Variants in MS4A4A observed in about 807,000 individuals in gnomAD.
MS4A4A encodes membrane-spanning 4-domains subfamily A member 4A.
Under a neutral mutation model 28.0 loss-of-function variants are expected in MS4A4A, and 26 were observed. That is an observed-to-expected ratio of 0.93 (90% CI 0.68 to 1.29). The LOEUF (loss-of-function observed/expected upper bound fraction) is 1.29. Among genes scored for constraint, MS4A4A ranks in the 50% most tolerant of loss-of-function variants. MS4A4A has a pLI of 0.00. For synonymous variants in MS4A4A, 86 were observed against 100.8 expected (o/e 0.85, Z 0.88); for missense variants, 290 against 293.1 (o/e 0.99, Z 0.08).
chr11:60,292,233 C>A lies in MS4A4A; in HGVS notation c.50C>A (p.Ser17Tyr). The change falls in exon 2 of 7, where the codon TCT (serine) becomes TAT (tyrosine). Residue 17 changes from serine to tyrosine, a missense_variant. Coordinates refer to ENST00000337908, the MANE Select transcript of MS4A4A (RefSeq NM_148975.3). Reference sequence around the variant, plus strand: ...TACATTTCTTATTGTAGCACCTTTTCTGCTGCCATGACAACCATGCAAGGA... The same window carrying A: ...TACATTTCTTATTGTAGCACCTTTTATGCTGCCATGACAACCATGCAAGGA... ...RHCRPEESTF[S>Y]AAMTTMQGME... 1.9e-6 allele frequency: 3 copies of A among 1,549,594 alleles called. No homozygotes were observed. Among genetic ancestry groups the A allele is most frequent in the Non-Finnish European group, 2.6e-6 (3 of 1,154,286 alleles).
chr11:60,286,075 T>C (rs2084801259), intron 1 of MS4A4A, among the ~76,000 whole-genome samples: 1 of 152,176 alleles, frequency 6.6e-6, no homozygotes, highest in Non-Finnish European at 1.5e-5. Flanking sequence ...TATTCCTTAC[T>C]GGGAAAAGAA....
At chr11:60,291,407 G>C (rs1310186991) in intron 1 of MS4A4A, among the ~76,000 whole-genome samples, 1 of 152,152 alleles carries the variant, frequency 6.6e-6, no homozygotes, top group Non-Finnish European at 1.5e-5. Flanking sequence ...TTTCAGCCCT[G>C]TGAATTTAAC....
At chr11:60,302,008 G>A (rs1170335292) in intron 4 of MS4A4A, among the ~76,000 whole-genome samples, 1 of 152,090 alleles carries the variant, frequency 6.6e-6, no homozygotes, top group East Asian at 1.9e-4. Context: ...TCAAACTCCT[G>A]ACCTCAGATT....
Position 60,308,268 on chromosome 11 carries a change from T to C in MS4A4A, c.*90T>C, listed in dbSNP as rs879924268. 4.4e-6 allele frequency: 5 copies of C among 1,135,824 alleles called. No individual in the cohort carries two copies. Among genetic ancestry groups the C allele is most frequent in the Non-Finnish European group, 6.6e-6 (5 of 753,612 alleles). 70.4% of individuals were successfully genotyped at this position (1,135,824 alleles called of 1,614,324 possible). On this transcript the variant is annotated 3_prime_UTR_variant, in exon 7 of 7. Coordinates refer to ENST00000337908, the MANE Select transcript of MS4A4A (RefSeq NM_148975.3). ...ACATGAGAAATTACCAGTATCCAAC[T>C]TCGATACTGATAGACTTGTTGATAT... is the stretch of plus-strand genomic sequence containing the variant.
intron 2 of MS4A4A, among the ~76,000 whole-genome samples, chr11:60,294,892 A>ACTACTACTACTT (rs60374079): frequency 4.6e-5 from 6 of 130,844 alleles, no homozygotes; most frequent in Non-Finnish European, 8.3e-5. Context: ...TACAACTACT[A>ACTACTACTACTT]CTTCTTCTTC....
At chr11:60,304,613 G>A (rs914130784) in intron 5 of MS4A4A, among the ~76,000 whole-genome samples, 1 of 152,122 alleles carries the variant, frequency 6.6e-6, no homozygotes, top group Non-Finnish European at 1.5e-5. Flanking sequence ...TTTTTTTGGA[G>A]GCCCAGCCCT....
At chr11:60,301,791 T>C (rs1454362554) in intron 4 of MS4A4A, among the ~76,000 whole-genome samples, 1 of 152,102 alleles carries the variant, frequency 6.6e-6, no homozygotes, top group Non-Finnish European at 1.5e-5. Context: ...TGGTTTTTGG[T>C]TTTTTGAGAC....
chr11:60,302,534 T>G, intron 4 of MS4A4A, 25 bp from the exon 5 acceptor site: 2 of 1,611,684 alleles, frequency 1.2e-6, no homozygotes, highest in African/African-American at 2.7e-5. Flanking sequence ...GTTGGATTGT[T>G]TAATTGATTT....
chr11:60,289,169 G>C (rs570668927), intron 1 of MS4A4A, among the ~76,000 whole-genome samples: 1 of 152,308 alleles, frequency 6.6e-6, no homozygotes, highest in East Asian at 1.9e-4. Context: ...TTTCCAAGAA[G>C]GGGCAACACA....
intron 5 of MS4A4A, among the ~76,000 whole-genome samples, chr11:60,304,275 G>A (rs969834796): frequency 6.6e-6 from 1 of 152,188 alleles, no homozygotes; most frequent in African/African-American, 2.4e-5. Context: ...ACTTGATAGG[G>A]CTGATTTCGT....
chr11:60,284,964 TA>T (rs2084791335), intron 1 of MS4A4A, among the ~76,000 whole-genome samples: 1 of 152,088 alleles, frequency 6.6e-6, no homozygotes, highest in African/African-American at 2.4e-5. Context: ...GGAGAAGAGG[TA>T]ATTTTTATTT....
chr11:60,281,775 G>C (rs2084757299), intron 1 of MS4A4A, among the ~76,000 whole-genome samples: 1 of 152,142 alleles, frequency 6.6e-6, no homozygotes, highest in Non-Finnish European at 1.5e-5. Flanking sequence ...AGGGTGGTCT[G>C]GGTTTCCCCA....
rs1218157372 is a variant in MS4A4A, at chr11:60,302,614, T to A, written c.443T>A (p.Ile148Asn). Residue 148 changes from isoleucine to asparagine, a missense_variant, in exon 5 of 7, where the codon ATC becomes AAC. Physicochemically the swap from Ile to Asn is moderately radical, Grantham distance 149. Coordinates refer to ENST00000337908, the MANE Select transcript of MS4A4A (RefSeq NM_148975.3). ...AGCTCTGTACTGGCTGCATCAGGGA[T>A]CTTAATCAACACATTTAGCTTGGCG... ...ITSSVLAASG[I>N]LINTFSLAFY... 1 of 1,614,168 alleles carries A rather than the reference T, an allele frequency of 6.2e-7. No individual in the cohort carries two copies. Among genetic ancestry groups the A allele is most frequent in the Admixed American group, 1.7e-5 (1 of 60,026 alleles).
At chr11:60,282,879 C>A (rs2084767751) in intron 1 of MS4A4A, 1 of 577,544 alleles carries the variant, frequency 1.7e-6, no homozygotes, top group Admixed American at 4.5e-5. Flanking sequence ...TGTATTTGAT[C>A]ATTCTGGCTA....
chr11:60,302,677 G>A lies in MS4A4A; in HGVS notation c.506G>A (p.Gly169Asp). 6.2e-7 allele frequency: 1 copy of A among 1,613,760 alleles called. No homozygotes were observed. The highest frequency in any genetic ancestry group is 8.5e-7 in the Non-Finnish European group (1 of 1,179,744). Residue 169 changes from glycine (G) to aspartate (D), a missense_variant, in exon 5 of 7, where the codon GGC (glycine) becomes GAC (aspartate). Transcript: ENST00000337908. ...CATCACCCTTACTGTAACTACTATG[G>A]CAACTCAAATAATTGTCATGGGACT... ...SFHHPYCNYY[G>D]NSNNCHGTMS...
intron 1 of MS4A4A, among the ~76,000 whole-genome samples, chr11:60,289,358 C>T (rs940184962): frequency 5.9e-5 from 9 of 152,030 alleles, no homozygotes; most frequent in Non-Finnish European, 8.8e-5. Flanking sequence ...GGGGTCCTCT[C>T]GCTTACCTTC....
At chr11:60,283,551 C>G (rs1472676014) in intron 1 of MS4A4A, among the ~76,000 whole-genome samples, 1 of 152,130 alleles carries the variant, frequency 6.6e-6, no homozygotes, top group Non-Finnish European at 1.5e-5. Flanking sequence ...CGCCACCTTA[C>G]TTTTTTGAAA....
intron 1 of MS4A4A, among the ~76,000 whole-genome samples, chr11:60,281,722 G>A (rs1306060535): frequency 6.6e-6 from 1 of 152,178 alleles, no homozygotes; most frequent in African/African-American, 2.4e-5. Context: ...GAGACTGGTG[G>A]TGCTGCTGAT....
At position 60,297,160 on chromosome 11, in the gene MS4A4A, G is replaced by A. The variant is rs747643740; in HGVS notation, c.202-37G>A. On this transcript the variant is annotated intron_variant, in intron 2 of 6. Transcript: ENST00000337908. ...GGGTGGCGGAAGCACCATTTTTGTG[G>A]TGGACAATCAGTTTTTGCTTTCTTC... 1.9e-6 allele frequency: 3 copies of A among 1,609,540 alleles called. No homozygotes were observed. The East Asian group carries it at 6.7e-5, about 36-fold the overall frequency.
Sources: gnomAD v4.1 joint callset for allele counts (sites outside exome capture counted in the v4.1 genomes callset) on GRCh38, gnomAD v4.1.1 for gene constraint, MANE v1.5 for transcripts, NCBI Gene and HGNC (gene_info 2026-07-23, HGNC 2026-07-21) for gene names.